FOXP4: variants seen among roughly 807,000 people sequenced by gnomAD.
FOXP4 encodes the protein forkhead box P4.
FOXP4 carries 25 observed loss-of-function variants against 82.6 expected under a neutral mutation model. The observed-to-expected ratio is 0.30, with a 90% CI of 0.22 to 0.42. The LOEUF is 0.42. Among genes scored for constraint, FOXP4 ranks in the 10% least tolerant of loss-of-function variants. The pLI is 1.00. For missense variants in FOXP4, 785 were observed against 900.9 expected (o/e 0.87, Z 1.65); for synonymous variants, 415 against 388.2 (o/e 1.07, Z -0.81).
In FOXP4 at chr6:41,599,063, G is replaced by T; in HGVS notation, c.*127G>T. The T allele has an allele frequency of 7.6e-7, 1 of 1,315,034 alleles. No homozygotes were observed. Among genetic ancestry groups the T allele is most frequent in the Middle Eastern group, 2.8e-4 (1 of 3,620 alleles). 81.5% of individuals were successfully genotyped at this position (1,315,034 alleles called of 1,614,324 possible). On this transcript the variant is annotated 3_prime_UTR_variant, in exon 17 of 17. Coordinates refer to ENST00000307972, the MANE Select transcript of FOXP4 (RefSeq NM_001012426.2). ...TCCAGGACTCAGACCGGGGAGGCCC[G>T]GGCCAGCAGCTCCCAGTGTGACCTG...
At chr6:41,569,982 C>T (rs909525744) in intron 2 of FOXP4, among the ~76,000 whole-genome samples, 1 of 152,020 alleles carries the variant, frequency 6.6e-6, no homozygotes, top group Middle Eastern at 3.4e-3. Flanking sequence ...TTTCCTTTTC[C>T]TCCCCCATCT....
chr6:41,572,499 G>A (rs1765259255), intron 2 of FOXP4, among the ~76,000 whole-genome samples: 2 of 152,214 alleles, frequency 1.3e-5, no homozygotes, highest in African/African-American at 4.8e-5. Flanking sequence ...TAATAGTCAT[G>A]CTGTGGTTCT....
rs1043863231 is a variant in FOXP4 at position 41,592,209 on chromosome 6, C to T, written c.1536+887C>T. Reference sequence around the variant, plus strand: ...CTGCAGTTAAACGGGCTACCTCCCCCAATCCCACTAGGTTTCAACAAGTGT... The same window carrying T: ...CTGCAGTTAAACGGGCTACCTCCCCTAATCCCACTAGGTTTCAACAAGTGT... On this transcript the variant is annotated intron_variant, in intron 13 of 16. Transcript: ENST00000307972. 2.6e-5 allele frequency among the ~76,000 whole-genome samples: 4 copies of T among 152,290 alleles called. No homozygotes were observed. In the East Asian group the frequency reaches 7.7e-4, roughly 29 times the overall value.
chr6:41,566,048 C>G, intron 2 of FOXP4, 84 bp downstream of exon 2: 1 of 1,374,372 alleles, frequency 7.3e-7, no homozygotes, highest in Non-Finnish European at 9.9e-7. Flanking sequence ...TGCTGGAGCA[C>G]CACTCCCTGC....
Position 41,587,163 on chromosome 6 carries a change from A to G in FOXP4, c.658+7A>G. 6.5e-7 allele frequency: 1 copy of G among 1,541,758 alleles called. No homozygotes were observed. The highest frequency in any genetic ancestry group is 8.7e-7 in the Non-Finnish European group (1 of 1,149,850). On this transcript the variant is annotated splice_region_variant and intron_variant, in intron 6 of 16. Transcript: ENST00000307972. ...CTCCAGACCCTTCCGCAAGGTGAGC[A>G]CCCGCCACTCCTCCCCTCCCAGCCC...
intron 2 of FOXP4, among the ~76,000 whole-genome samples, chr6:41,576,288 A>G (rs972613579): frequency 5.3e-5 from 8 of 152,168 alleles, no homozygotes; most frequent in Non-Finnish European, 1.0e-4. Context: ...AGGCCAGTGC[A>G]TATTTAGTTG....
chr6:41,556,873 G>A (rs560601881), intron 1 of FOXP4, among the ~76,000 whole-genome samples: 7 of 152,150 alleles, frequency 4.6e-5, no homozygotes, highest in South Asian at 2.1e-4. Flanking sequence ...AAATATCCAC[G>A]CCTGGGTCCA....
At chr6:41,549,797 G>C (rs1291892835) in intron 1 of FOXP4, among the ~76,000 whole-genome samples, 1 of 151,838 alleles carries the variant, frequency 6.6e-6, no homozygotes, top group Non-Finnish European at 1.5e-5. Context: ...GTTGTGAGGT[G>C]CAAGGGGAGG....
At chr6:41,595,101 TG>T in intron 14 of FOXP4, 110 bp downstream of exon 14, 3 of 1,501,892 alleles carry the variant, frequency 2.0e-6, no homozygotes, top group Admixed American at 3.9e-5. Flanking sequence ...CCTTCCTGGC[TG>T]GGGGAAGGGG....
At chr6:41,556,732 C>T (rs1170500478) in intron 1 of FOXP4, among the ~76,000 whole-genome samples, 1 of 152,170 alleles carries the variant, frequency 6.6e-6, no homozygotes, top group Non-Finnish European at 1.5e-5. Context: ...TCCCAGAGCA[C>T]CCCTTACTCC....
intron 1 of FOXP4, among the ~76,000 whole-genome samples, chr6:41,561,384 G>A (rs542624117): frequency 6.6e-6 from 1 of 152,162 alleles, no homozygotes; most frequent in Non-Finnish European, 1.5e-5. Context: ...GGGGATAAGA[G>A]CCCAGTATTA....
At chr6:41,585,758 G>T (rs751998363) in intron 5 of FOXP4, among the ~76,000 whole-genome samples, 7 of 152,006 alleles carry the variant, frequency 4.6e-5, no homozygotes, top group Non-Finnish European at 7.4e-5. Context: ...GTGCACATGG[G>T]TGTAGACAGG....
intron 2 of FOXP4, among the ~76,000 whole-genome samples, chr6:41,573,394 C>T (rs1284348617): frequency 6.6e-6 from 1 of 152,104 alleles, no homozygotes. Context: ...CATTCTCCAC[C>T]ATCCCAACCG....
At chr6:41,579,635 G>A (rs184727703) in intron 3 of FOXP4, among the ~76,000 whole-genome samples, 1 of 152,264 alleles carries the variant, frequency 6.6e-6, no homozygotes, top group Admixed American at 6.5e-5. Flanking sequence ...GAGCTGAAGG[G>A]AGACTATGGA....
chr6:41,550,758 G>T (rs1253254843), intron 1 of FOXP4, among the ~76,000 whole-genome samples: 1 of 152,212 alleles, frequency 6.6e-6, no homozygotes, highest in Non-Finnish European at 1.5e-5. Flanking sequence ...ACACAACCCT[G>T]GAGCATTCCC....
intron 3 of FOXP4, among the ~76,000 whole-genome samples, chr6:41,582,261 A>G (rs1562033593): frequency 6.6e-6 from 1 of 152,176 alleles, no homozygotes; most frequent in Non-Finnish European, 1.5e-5. Flanking sequence ...TTCCCATCTC[A>G]TCTGTGAGAT....
At chr6:41,552,751 G>A (rs1299664351) in intron 1 of FOXP4, among the ~76,000 whole-genome samples, 1 of 152,130 alleles carries the variant, frequency 6.6e-6, no homozygotes, top group Non-Finnish European at 1.5e-5. Flanking sequence ...AAGAGGGGAC[G>A]GCTCAGGCAG....
intron 1 of FOXP4, among the ~76,000 whole-genome samples, chr6:41,562,011 C>A (rs7747073): frequency 0.012 from 1,781 of 152,316 alleles, 31 homozygotes; most frequent in African/African-American, 0.04. Flanking sequence ...AGCACCCTTC[C>A]CCATCCTGTC....
chr6:41,599,040 C>T lies in FOXP4; in HGVS notation c.*104C>T. ...CCCCTCCCGAGCCTCAAGGCAAGTCCAGGACTCAGACCGGGGAGGCCCGGG... is the reference window on the plus strand; with the variant it reads ...CCCCTCCCGAGCCTCAAGGCAAGTCTAGGACTCAGACCGGGGAGGCCCGGG... On this transcript the variant is annotated 3_prime_UTR_variant, in exon 17 of 17. Coordinates refer to ENST00000307972, the MANE Select transcript of FOXP4 (RefSeq NM_001012426.2). 1 of 1,428,896 alleles carries T rather than the reference C, an allele frequency of 7.0e-7. No individual in the cohort carries two copies. The highest frequency in any genetic ancestry group is 9.2e-7 in the Non-Finnish European group (1 of 1,081,358). The allele number at this position is 1,428,896 out of a possible 1,614,324, so 88.5% of individuals were successfully genotyped here. A position where few individuals can be genotyped will look rare whatever the true frequency, so the allele number is the denominator to read the frequency against.
Sources: gnomAD v4.1 joint callset for allele counts (sites outside exome capture counted in the v4.1 genomes callset) on GRCh38, gnomAD v4.1.1 for gene constraint, MANE v1.5 for transcripts, NCBI Gene and HGNC (gene_info 2026-07-23, HGNC 2026-07-21) for gene names.